The following ATP2B2 variants were observed in gnomAD, a reference collection of about 807,000 sequenced individuals.
ATP2B2 encodes the protein plasma membrane calcium-transporting ATPase 2.
A neutral mutation model predicts 120.0 loss-of-function variants in ATP2B2; 15 were observed. The observed-to-expected ratio is 0.12, with a 90% CI of 0.08 to 0.19. ATP2B2 has a LOEUF of 0.19. Ranked by LOEUF, ATP2B2 falls within the 10% of genes least tolerant of loss-of-function variation. ATP2B2 has a pLI of 1.00. For synonymous variants in ATP2B2, 694 were observed against 700.3 expected (o/e 0.99, Z 0.14); for missense variants, 1,045 against 1,719.8 (o/e 0.61, Z 6.94).
intron 2 of ATP2B2, among the ~76,000 whole-genome samples, chr3:10,553,978 G>A (rs1312024465): frequency 1.4e-5 from 2 of 146,572 alleles, no homozygotes; most frequent in Non-Finnish European, 3.0e-5. Flanking sequence ...GAGCAGGAGC[G>A]GTACACAGAC....
intron 2 of ATP2B2, among the ~76,000 whole-genome samples, chr3:10,555,815 T>G (rs2067765938): frequency 6.6e-6 from 1 of 152,210 alleles, no homozygotes; most frequent in Non-Finnish European, 1.5e-5. Flanking sequence ...TCATCCCAGA[T>G]GCCTGCATAG....
chr3:10,579,314 C>T (rs1040667686), intron 2 of ATP2B2, among the ~76,000 whole-genome samples: 1 of 152,166 alleles, frequency 6.6e-6, no homozygotes, highest in Non-Finnish European at 1.5e-5. Flanking sequence ...GCAAATGTGC[C>T]CAGAACAGGG....
chr3:10,349,546 G>A (rs1443594593), intron 16 of ATP2B2, among the ~76,000 whole-genome samples: 3 of 152,144 alleles, frequency 2.0e-5, no homozygotes, highest in Non-Finnish European at 2.9e-5. Flanking sequence ...GGAGGGAGGA[G>A]CAAGACTTTG....
chr3:10,345,557 C>A lies in ATP2B2; in HGVS notation c.2530G>T (p.Val844Leu). ...ATGATGTCTGAGGCCTCCTTGGCCA[C>A]GTCAGTGCCTGCGATGCCCTGTGGG... Reference protein sequence around the residue: ...GFAMGIAGTDVAKEASDIILT... With the variant: ...GFAMGIAGTDLAKEASDIILT... The change falls in exon 18 of 23, where the codon GTG (valine) becomes TTG (leucine). Residue 844 changes from valine (V) to leucine (L), a missense_variant. Val to Leu is a conservative substitution (Grantham distance 32). Around this residue, in one of 11 missense-constraint regions of ATP2B2, gnomAD observed 98 missense variants for 266.7 expected, o/e 0.37. Transcript: ENST00000360273. The A allele has an allele frequency of 6.2e-7, 1 of 1,614,194 alleles. No individual in the cohort carries two copies.
At chr3:10,482,106 G>A (rs973611194) in intron 1 of ATP2B2, among the ~76,000 whole-genome samples, 1 of 152,160 alleles carries the variant, frequency 6.6e-6, no homozygotes, top group Non-Finnish European at 1.5e-5. Flanking sequence ...AAATCCCACT[G>A]CCCAGCTCAG....
chr3:10,705,062 T>G (rs1177560590), intron 1 of ATP2B2, among the ~76,000 whole-genome samples: 2 of 152,216 alleles, frequency 1.3e-5, no homozygotes, highest in Non-Finnish European at 2.9e-5. Context: ...CTGCAGTGAT[T>G]CCATATAACA....
rs1297998738 is a variant in ATP2B2 at position 10,593,868 on chromosome 3, G to GA, written c.-415+26048dup. Among the ~76,000 whole-genome samples the GA allele has an allele frequency of 3.5e-4, 50 of 144,706 alleles. 1 individual carries two copies. The East Asian group carries it at 5.8e-3, about 17-fold the overall frequency. The allele number at this position is 144,706 out of a possible 152,430, so 94.9% of individuals were successfully genotyped here. On this transcript the variant is annotated intron_variant, in intron 2 of 21. Coordinates refer to the ATP2B2 transcript ENST00000646379. ...ACAAAGAACTCAAACAAATTTACAA[G>GA]AAAAAAAACCAAACAACTCCATCAA...
intron 1 of ATP2B2, among the ~76,000 whole-genome samples, chr3:10,490,838 T>C (rs2065907310): frequency 6.6e-6 from 1 of 152,236 alleles, no homozygotes; most frequent in Non-Finnish European, 1.5e-5. Context: ...TTGGCCTCTC[T>C]GTGACTTTCT....
chr3:10,484,747 A>C (rs1559396287), intron 1 of ATP2B2, among the ~76,000 whole-genome samples: 1 of 152,186 alleles, frequency 6.6e-6, no homozygotes, highest in African/African-American at 2.4e-5. Flanking sequence ...GCAGAAAGAA[A>C]TCTTACACAC....
chr3:10,537,215 G>T, intron 2 of ATP2B2, among the ~76,000 whole-genome samples: 1 of 152,018 alleles, frequency 6.6e-6, no homozygotes, highest in African/African-American at 2.4e-5. Context: ...TAAATTCTTT[G>T]CTTTTCCTTA....
At chr3:10,649,110 T>C (rs2070390022) in intron 1 of ATP2B2, among the ~76,000 whole-genome samples, 1 of 152,224 alleles carries the variant, frequency 6.6e-6, no homozygotes, top group Non-Finnish European at 1.5e-5. Context: ...GACGGGGTCT[T>C]CCTTTGTTAG....
chr3:10,408,192 A>C (rs2062483528), intron 3 of ATP2B2, among the ~76,000 whole-genome samples: 1 of 152,214 alleles, frequency 6.6e-6, no homozygotes, highest in Admixed American at 6.5e-5. Context: ...ACCCGGACAT[A>C]AAGTGCCACG....
chr3:10,667,157 T>C (rs1040824432), intron 1 of ATP2B2, among the ~76,000 whole-genome samples: 14 of 152,290 alleles, frequency 9.2e-5, no homozygotes, highest in East Asian at 7.7e-4. Context: ...CGAGGTGGTC[T>C]CCACCAACAC....
At chr3:10,513,528 G>A (rs2066817424) in intron 3 of ATP2B2, among the ~76,000 whole-genome samples, 2 of 152,170 alleles carry the variant, frequency 1.3e-5, no homozygotes, top group African/African-American at 4.8e-5. Flanking sequence ...AGGGCCCTGC[G>A]TGTAACAGCA....
chr3:10,461,810 A>G (rs978600254), intron 1 of ATP2B2, among the ~76,000 whole-genome samples: 68 of 152,134 alleles, frequency 4.5e-4, no homozygotes, highest in African/African-American at 1.6e-3. Context: ...GTGGCTCAAA[A>G]TAATCTCCAA....
chr3:10,417,187 G>C (rs2062820852), intron 2 of ATP2B2, among the ~76,000 whole-genome samples: 3 of 150,400 alleles, frequency 2.0e-5, no homozygotes, highest in South Asian at 4.2e-4. Flanking sequence ...CTTCCCAGAG[G>C]GGGCAAAAGC....
intron 3 of ATP2B2, among the ~76,000 whole-genome samples, chr3:10,515,587 C>T (rs550994130): frequency 1.3e-5 from 2 of 152,216 alleles, no homozygotes; most frequent in Non-Finnish European, 2.9e-5. Context: ...GCCTGAAAAC[C>T]CAGCCCCAAC....
At chr3:10,612,753 C>T (rs1434052143) in intron 2 of ATP2B2, among the ~76,000 whole-genome samples, 1 of 152,186 alleles carries the variant, frequency 6.6e-6, no homozygotes, top group East Asian at 1.9e-4. Flanking sequence ...TTTTCCTGTA[C>T]CAAACCTATT....
chr3:10,390,523 T>C (rs1044653628), intron 5 of ATP2B2, among the ~76,000 whole-genome samples: 22 of 151,496 alleles, frequency 1.5e-4, no homozygotes, highest in East Asian at 5.8e-4. Flanking sequence ...TGTGTGTGTG[T>C]GCGCTTGCAA....
Sources: allele counts gnomAD v4.1 joint callset (sites outside exome capture counted in the v4.1 genomes callset), GRCh38; gene constraint gnomAD v4.1.1; regional missense constraint gnomAD v4.1.1; transcripts MANE v1.5; gene names NCBI Gene and HGNC (gene_info 2026-07-23, HGNC 2026-07-21).